The following CFAP92 variants were observed in gnomAD, a reference collection of about 807,000 sequenced individuals.
The protein encoded by CFAP92 is uncharacterized protein CFAP92.
In CFAP92, 86 loss-of-function variants were observed where a neutral mutation model predicts 106.3. That is an observed-to-expected ratio of 0.81 (90% CI 0.68 to 0.97). The LOEUF (loss-of-function observed/expected upper bound fraction) is 0.97, where lower values mean the gene tolerates loss of function less well. Ranked by LOEUF, CFAP92 falls within the 50% of genes least tolerant of loss-of-function variation. The pLI, the probability that CFAP92 is intolerant of heterozygous loss-of-function variation, is 0.00. For missense variants in CFAP92, 1,204 were observed against 1,283.8 expected (o/e 0.94, Z 0.95); for synonymous variants, 477 against 506.4 (o/e 0.94, Z 0.78).
chr3:128,995,535 C>G (rs749839526), upstream of CFAP92, among the ~76,000 whole-genome samples: 20 of 152,170 alleles, frequency 1.3e-4, no homozygotes, highest in Admixed American at 2.0e-4. Flanking sequence ...CAAAAGGGCC[C>G]TTTAACAAGG....
chr3:128,949,682 C>T (rs1288667898), intron 9 of CFAP92, among the ~76,000 whole-genome samples: 5 of 152,226 alleles, frequency 3.3e-5, no homozygotes, highest in South Asian at 4.1e-4. Context: ...TTGATCTATA[C>T]GTGATTTTAT....
At chr3:128,997,290 C>G (rs1944516041), upstream of CFAP92, among the ~76,000 whole-genome samples, 1 of 152,142 alleles carries the variant, frequency 6.6e-6, no homozygotes, top group Non-Finnish European at 1.5e-5. Flanking sequence ...TCTTCTTGCC[C>G]CTTCCCCATT....
chr3:129,019,548 AAG>A, the CFAP92 span, among the ~76,000 whole-genome samples: 2 of 152,042 alleles, frequency 1.3e-5, no homozygotes, highest in Non-Finnish European at 2.9e-5. Flanking sequence ...TAGTACAAAC[AAG>A]AGAGAACTAC....
chr3:128,910,447 T>C, intron 15 of CFAP92, 114 bp from the exon 16 acceptor site: 6 of 1,051,772 alleles, frequency 5.7e-6, no homozygotes, highest in Non-Finnish European at 6.7e-6. Context: ...GTGCAGTCTC[T>C]GAGGACCCAC....
intron 9 of CFAP92, among the ~76,000 whole-genome samples, chr3:128,953,625 C>CCCTCTCCCTCTCCCTCCCTCTCCG (rs1559891803): frequency 4.0e-5 from 5 of 126,132 alleles, no homozygotes; most frequent in African/African-American, 2.0e-4. Context: ...CTCTCCCTCC[C>CCCTCTCCCTCTCCCTCCCTCTCCG]TCTCCGTCTC....
intron 12 of CFAP92, among the ~76,000 whole-genome samples, chr3:128,919,848 C>T (rs908220999): frequency 6.6e-6 from 1 of 152,190 alleles, no homozygotes; most frequent in Non-Finnish European, 1.5e-5. Flanking sequence ...TACCTCTAGG[C>T]CTCCAGTTTA....
At chr3:128,977,838 G>A (rs572039948) in intron 5 of CFAP92, among the ~76,000 whole-genome samples, 206 of 152,292 alleles carry the variant, frequency 1.4e-3, no homozygotes, top group African/African-American at 4.1e-3. Flanking sequence ...CAGCCTGGGG[G>A]ACAAGAGCAG....
Position 128,976,985 on chromosome 3 carries a change from G to A in CFAP92, c.890C>T (p.Thr297Met), listed in dbSNP as rs145753263. 25,934 of 1,612,838 alleles carry A rather than the reference G, an allele frequency of 0.016. 245 individuals carry two copies. Among genetic ancestry groups the A allele is most frequent in the Middle Eastern group, 0.036 (218 of 6,054 alleles). Residue 297 changes from threonine (T) to methionine (M), a missense_variant, in exon 6 of 16, where the codon ACG becomes ATG. By Grantham distance (81) the Thr-to-Met change is moderately conservative (BLOSUM62 -1). Coordinates refer to ENST00000645291, the MANE Select transcript of CFAP92 (RefSeq NM_001394090.1). The part of the protein sequence containing the change: ...EKSLKMDDSS[T>M]IQWSVSRTPT... ...AATATCGTTCAATCCTTACTGAATC[G>A]TGGAAGAATCGTCCATTTTGAGGGA...
chr3:128,967,458 T>A (rs913259671), intron 8 of CFAP92: 1 of 152,180 alleles, frequency 6.6e-6, no homozygotes, highest in Non-Finnish European at 1.5e-5. Context: ...TCCCAGCAGT[T>A]TGGCAGGCCG....
intron 8 of CFAP92, chr3:128,970,637 C>T (rs1942722288): frequency 6.6e-6 from 1 of 152,168 alleles, no homozygotes; most frequent in Admixed American, 6.6e-5. Context: ...TTATGATTTA[C>T]CAGTATGTAT....
upstream of CFAP92, chr3:129,003,760 C>T: frequency 7.3e-7 from 1 of 1,368,806 alleles, no homozygotes; most frequent in Admixed American, 3.4e-5. Context: ...GGCTGGGGCA[C>T]TTACCCCCTG....
chr3:129,005,607 G>A (rs1576702520), upstream of CFAP92, among the ~76,000 whole-genome samples: 3 of 152,390 alleles, frequency 2.0e-5, no homozygotes, highest in Non-Finnish European at 4.4e-5. Flanking sequence ...GCAGGAGACA[G>A]TGCAGAGCCC....
chr3:128,931,366 A>G (rs981967627), intron 12 of CFAP92, among the ~76,000 whole-genome samples: 2 of 151,954 alleles, frequency 1.3e-5, no homozygotes, highest in Non-Finnish European at 2.9e-5. Flanking sequence ...CGGTTTCGCC[A>G]TGTTGCCCAG....
chr3:128,973,717 A>G (rs1001291158), intron 7 of CFAP92, among the ~76,000 whole-genome samples: 31 of 151,404 alleles, frequency 2.0e-4, no homozygotes, highest in African/African-American at 7.3e-4. Context: ...AGCATCTAGC[A>G]ATGGGGTCGA....
At chr3:129,010,555 C>T in the CFAP92 span, among the ~76,000 whole-genome samples, 2 of 152,120 alleles carry the variant, frequency 1.3e-5, no homozygotes, top group Admixed American at 1.3e-4. This position sits in a 1 kb window ranked among gnomAD's most constrained non-coding sequence, Gnocchi z 4.3. Context: ...GGCTGGCCAC[C>T]GTGGAGGGGA....
At chr3:128,994,365 GGCTCCTTCCTCCCCCTCCATCA>G (rs1944401310), upstream of CFAP92, among the ~76,000 whole-genome samples, 1 of 152,208 alleles carries the variant, frequency 6.6e-6, no homozygotes, top group South Asian at 2.1e-4. Flanking sequence ...AGGGGTTGAT[GGCTCCTTCCTCCCCCTCCATCA>G]GCTCCCACCT....
Position 128,916,134 on chromosome 3 carries a change from C to T in CFAP92, c.2889G>A (p.Lys963=), listed in dbSNP as rs1936798515. 15 of 1,232,108 alleles carry T rather than the reference C, an allele frequency of 1.2e-5. No homozygotes were observed. The highest frequency in any genetic ancestry group is 1.5e-5 in the Non-Finnish European group (15 of 988,034). The allele number at this position is 1,232,108 out of a possible 1,614,324, so 76.3% of individuals were successfully genotyped here. The change falls in exon 13 of 16, where the codon AAG becomes AAA. Residue 963 remains lysine, a synonymous_variant. Coordinates refer to ENST00000645291, the MANE Select transcript of CFAP92 (RefSeq NM_001394090.1). ...TGGCTATCTCTTGATACAGCTCCTT[C>T]TTGGCAAGCTCTGTAGAATTCATGG... ...TQTMNSTELA[K]KELYQEIAKE...
intron 8 of CFAP92, 45 bp downstream of exon 8, chr3:128,971,242 A>G: frequency 6.2e-7 from 1 of 1,613,088 alleles, no homozygotes; most frequent in Non-Finnish European, 8.5e-7. Context: ...CGTTCTGGCC[A>G]CAAGACAAGC....
At chr3:128,967,401 G>A (rs1002111148) in intron 8 of CFAP92, 1 of 152,140 alleles carries the variant, frequency 6.6e-6, no homozygotes, top group Non-Finnish European at 1.5e-5. Flanking sequence ...CTTTTCACAT[G>A]AAAGACTACC....
Sources: allele counts gnomAD v4.1 joint callset (sites outside exome capture counted in the v4.1 genomes callset), GRCh38; gene constraint gnomAD v4.1.1; non-coding constraint Gnocchi (gnomAD v3.1); transcripts MANE v1.5; gene names NCBI Gene and HGNC (gene_info 2026-07-23, HGNC 2026-07-21).